Variants in GTF3C5 observed in about 807,000 individuals in gnomAD.
The protein encoded by GTF3C5 is general transcription factor 3C polypeptide 5.
In GTF3C5, 47 loss-of-function variants were observed where a neutral mutation model predicts 61.0. That is an observed-to-expected ratio of 0.77 (90% CI 0.61 to 0.98). The LOEUF (loss-of-function observed/expected upper bound fraction) is 0.98. Among genes scored for constraint, GTF3C5 ranks in the 50% least tolerant of loss-of-function variants. The pLI is 0.00. For missense variants in GTF3C5, 659 were observed against 703.3 expected, an observed-to-expected ratio of 0.94 and a Z score of 0.71; for synonymous variants, 295 against 275.4, an observed-to-expected ratio of 1.07 and a Z score of -0.71.
chr9:133,054,320 A>C (rs989349605), intron 6 of GTF3C5, 88 bp from the exon 7 acceptor site: 4 of 1,110,080 alleles, frequency 3.6e-6, no homozygotes, highest in Non-Finnish European at 5.5e-6. Flanking sequence ...GGCCCCATGG[A>C]CCCAACTCCC....
chr9:133,031,136 C>G lies in GTF3C5; in HGVS notation c.125C>G (p.Thr42Ser). 1 of 1,590,526 alleles carries G rather than the reference C, an allele frequency of 6.3e-7. No homozygotes were observed. The highest frequency in any genetic ancestry group is 1.1e-5 in the South Asian group (1 of 88,406). Residue 42 changes from threonine (T) to serine (S), a missense_variant, in exon 1 of 11, where the codon ACT becomes AGT. Physicochemically the swap from Thr to Ser is moderately conservative, Grantham distance 58. Coordinates refer to ENST00000372097, the MANE Select transcript of GTF3C5 (RefSeq NM_012087.4). The part of the protein sequence containing the change: ...VVRDVAKMLP[T>S]LGGEEGVSRI... ...CGTGATGTGGCTAAGATGCTGCCGACTCTGGGCGGCGAGGAAGGCGTCTCC... is the reference window on the plus strand; with the variant it reads ...CGTGATGTGGCTAAGATGCTGCCGAGTCTGGGCGGCGAGGAAGGCGTCTCC...
upstream of GTF3C5, chr9:133,030,995 C>T (rs1189331002): frequency 1.9e-6 from 3 of 1,611,856 alleles, no homozygotes; most frequent in East Asian, 4.5e-5. Flanking sequence ...CTGGCGGGCC[C>T]TGCCAGACGC....
intron 3 of GTF3C5, among the ~76,000 whole-genome samples, chr9:133,050,492 C>T (rs1186280349): frequency 6.6e-6 from 1 of 152,214 alleles, no homozygotes; most frequent in Non-Finnish European, 1.5e-5. Context: ...TGACAGGTGC[C>T]CTTTCCTGCA....
Position 133,050,869 on chromosome 9 carries a change from A to C in GTF3C5, c.659A>C (p.Asn220Thr). 1 of 1,613,176 alleles carries C rather than the reference A, an allele frequency of 6.2e-7. No homozygotes were observed. Among genetic ancestry groups the C allele is most frequent in the East Asian group, 2.2e-5 (1 of 44,734 alleles). Residue 220 changes from asparagine to threonine, a missense_variant, in exon 4 of 11, where the codon AAC (asparagine) becomes ACC (threonine). Physicochemically the swap from Asn to Thr is moderately conservative, Grantham distance 65 (BLOSUM62 0). Coordinates refer to ENST00000372097, the MANE Select transcript of GTF3C5 (RefSeq NM_012087.4). ...CGCCCCCACAATGCCATCTTTGTCA[A>C]CTTTGAGGATGAGGAGGTGCCCAAG... ...ARRPHNAIFV[N>T]FEDEEVPKQP...
intron 5 of GTF3C5, among the ~76,000 whole-genome samples, chr9:133,053,421 CA>C (rs530133246): frequency 1.9e-4 from 29 of 152,096 alleles, no homozygotes; most frequent in African/African-American, 7.0e-4. Flanking sequence ...CCCATCTCTA[CA>C]AAAAAATTAA....
At chr9:133,052,770 T>G (rs1430107445) in intron 5 of GTF3C5, among the ~76,000 whole-genome samples, 2 of 152,190 alleles carry the variant, frequency 1.3e-5, no homozygotes. Flanking sequence ...TCTTCTGCCT[T>G]GTTGGACTTC....
In GTF3C5 at chr9:133,032,396, C is replaced by T. The variant is rs953309388; in HGVS notation, c.153+1232C>T. Among the ~76,000 whole-genome samples, 6 of 151,958 alleles carry T rather than the reference C, an allele frequency of 3.9e-5. No individual in the cohort carries two copies. In the East Asian group the frequency reaches 9.7e-4, roughly 24 times the overall value. On this transcript the variant is annotated intron_variant, in intron 1 of 10. Transcript: ENST00000372097. ...GCGATTTCGGTGGGAAGACTAGTTT[C>T]GGCGGGAAGGGCAGTTAAACAGAGC... is the stretch of plus-strand genomic sequence containing the variant.
rs751005000 is a variant in GTF3C5, at chr9:133,042,110, G to T, written c.177G>T (p.Arg59Ser). ...VSRIYADPTK[R>S]LELYFRPKDP... is the part of the protein sequence containing the mutation. ...AGATCTACGCAGACCCCACCAAGAG[G>T]CTGGAGCTGTACTTCCGGCCCAAGG... Residue 59 changes from arginine to serine, a missense_variant, in exon 2 of 11, where the codon AGG becomes AGT. Coordinates refer to ENST00000372097, the MANE Select transcript of GTF3C5 (RefSeq NM_012087.4). 1.1e-5 allele frequency: 17 copies of T among 1,613,832 alleles called. No homozygotes were observed. Among genetic ancestry groups the T allele is most frequent in the Non-Finnish European group, 1.4e-5 (17 of 1,179,944 alleles).
chr9:133,045,520 C>G (rs1012179202), intron 3 of GTF3C5, among the ~76,000 whole-genome samples: 1 of 152,212 alleles, frequency 6.6e-6, no homozygotes, highest in Admixed American at 6.5e-5. Flanking sequence ...GTCATAGCCC[C>G]GGTGCCCAGA....
At position 133,054,771 on chromosome 9, in the gene GTF3C5, G is replaced by A. The variant is rs1402158983; in HGVS notation, c.1129G>A (p.Gly377Ser). The A allele has an allele frequency of 6.3e-7, 1 of 1,584,214 alleles. No homozygotes were observed. Among genetic ancestry groups the A allele is most frequent in the Non-Finnish European group, 8.6e-7 (1 of 1,165,684 alleles). ...GGGCCTGGGCCCGTCGGGGACGAGT[G>A]GTGCTCGGAAACCAGCTTCCAGCAA... ...KQGLGPSGTS[G>S]ARKPASSKYK... Residue 377 changes from glycine to serine, a missense_variant, in exon 8 of 11, where the codon GGT becomes AGT. Transcript: ENST00000372097.
intron 3 of GTF3C5, among the ~76,000 whole-genome samples, chr9:133,049,698 A>G (rs1387959320): frequency 6.6e-6 from 1 of 152,204 alleles, no homozygotes; most frequent in African/African-American, 2.4e-5. Flanking sequence ...ATTTTGAGAA[A>G]TACCTACCTA....
chr9:133,055,871 T>A, intron 8 of GTF3C5, 141 bp from the exon 9 acceptor site: 1 of 1,452,980 alleles, frequency 6.9e-7, no homozygotes, highest in Non-Finnish European at 9.1e-7. Flanking sequence ...TCCGTGGCCT[T>A]CCAGCCTGTC....
chr9:133,058,274 G>T lies in GTF3C5; in HGVS notation c.*294G>T. Reference sequence around the variant, plus strand: ...TGAGTGGGCACCCAATGCCTCTCAGGATGAGACCAGTAAATGCCGGAGGTG... The same window carrying T: ...TGAGTGGGCACCCAATGCCTCTCAGTATGAGACCAGTAAATGCCGGAGGTG... On this transcript the variant is annotated 3_prime_UTR_variant, in exon 11 of 11. Transcript: ENST00000372097. 2 of 594,312 alleles carry T rather than the reference G, an allele frequency of 3.4e-6. No individual in the cohort carries two copies. The highest frequency in any genetic ancestry group is 4.7e-6 in the Non-Finnish European group (2 of 425,410). The allele number at this position is 594,312 out of a possible 1,614,324, so 36.8% of individuals were successfully genotyped here.
At chr9:133,053,587 A>G (rs1829827102) in intron 5 of GTF3C5, among the ~76,000 whole-genome samples, 1 of 152,196 alleles carries the variant, frequency 6.6e-6, no homozygotes, top group African/African-American at 2.4e-5. Flanking sequence ...CTCTCCCCCA[A>G]AAAACAAAAA....
rs202162236 is a variant in GTF3C5 at position 133,054,494 on chromosome 9, C to T, written c.1069+6C>T. ...CATCACCGTCAAGAAGACATGTAAGCGTGCCAGGCGCCTTTTGTGGGTCAT... is the reference window on the plus strand; with the variant it reads ...CATCACCGTCAAGAAGACATGTAAGTGTGCCAGGCGCCTTTTGTGGGTCAT... On this transcript the variant is annotated splice_donor_region_variant and intron_variant, in intron 7 of 10. Transcript: ENST00000372097. 146 of 1,613,114 alleles carry T rather than the reference C, an allele frequency of 9.1e-5. No homozygotes were observed. In the African/African-American group the frequency reaches 1.5e-3, roughly 17 times the overall value.
Position 133,050,966 on chromosome 9 carries a change from G to T in GTF3C5, c.756G>T (p.Glu252Asp). The T allele has an allele frequency of 1.9e-6, 3 of 1,607,952 alleles. No individual in the cohort carries two copies. The highest frequency in any genetic ancestry group is 2.5e-6 in the Non-Finnish European group (3 of 1,177,350). ...CTNPVDRKVEEELRKLFDIRP... is the reference protein window; with the variant it reads ...CTNPVDRKVEDELRKLFDIRP... ...ACCCCGTGGACCGGAAGGTGGAGGA[G>T]GAGCTGAGGAAGGCAAGTCCTGCGC... Residue 252 changes from glutamate to aspartate, a missense_variant, in exon 4 of 11, where the codon GAG (glutamate) becomes GAT (aspartate). Physicochemically the swap from Glu to Asp is conservative, Grantham distance 45. Transcript: ENST00000372097.
At chr9:133,040,321 G>A (rs1459208044) in intron 1 of GTF3C5, among the ~76,000 whole-genome samples, 1 of 152,168 alleles carries the variant, frequency 6.6e-6, no homozygotes, top group Non-Finnish European at 1.5e-5. Context: ...CTGGGTGTTG[G>A]GAACCAGCTC....
rs781142288 is a variant in GTF3C5 at position 133,056,126 on chromosome 9, G to T, written c.1250+32G>T. 2.5e-6 allele frequency: 4 copies of T among 1,578,094 alleles called. No individual in the cohort carries two copies. In the African/African-American group the frequency reaches 4.0e-5, roughly 16 times the overall value. Reference sequence around the variant, plus strand: ...ATGGGAGGGGCCCTGAGACACTGAGGGGGGCCCGTGGGACCCAGGGACCAA... The same window carrying T: ...ATGGGAGGGGCCCTGAGACACTGAGTGGGGCCCGTGGGACCCAGGGACCAA... On this transcript the variant is annotated intron_variant, in intron 9 of 10. Transcript: ENST00000372097.
At chr9:133,041,041 A>C (rs1242165558) in intron 1 of GTF3C5, among the ~76,000 whole-genome samples, 1 of 152,250 alleles carries the variant, frequency 6.6e-6, no homozygotes, top group East Asian at 1.9e-4. Flanking sequence ...ACCAGAAGAC[A>C]AGAGTGCGAG....
Sources: gnomAD v4.1 joint callset for allele counts (sites outside exome capture counted in the v4.1 genomes callset) on GRCh38, gnomAD v4.1.1 for gene constraint, MANE v1.5 for transcripts, NCBI Gene and HGNC (gene_info 2026-07-23, HGNC 2026-07-21) for gene names.